Variants in KCNT1 observed in about 807,000 individuals in gnomAD.
The protein encoded by KCNT1 is potassium channel subfamily T member 1.
A neutral mutation model predicts 147.8 loss-of-function variants in KCNT1; 78 were observed. The ratio of observed to expected loss-of-function variants is 0.53; its 90% CI spans 0.44 to 0.64. The LOEUF is 0.64. Ranked by LOEUF, KCNT1 falls within the 30% of genes least tolerant of loss-of-function variation. KCNT1 has a pLI of 0.00. For synonymous variants in KCNT1, 867 were observed against 748.8 expected, an observed-to-expected ratio of 1.16 and a Z score of -2.58; for missense variants, 1,419 against 1,750.3, an observed-to-expected ratio of 0.81 and a Z score of 3.38.
intron 2 of KCNT1, among the ~76,000 whole-genome samples, chr9:135,739,744 A>C (rs997067626): frequency 2.0e-5 from 3 of 152,092 alleles, no homozygotes; most frequent in African/African-American, 4.8e-5. Flanking sequence ...TCCGGGCTGC[A>C]CACCTTCTTT....
In KCNT1 at chr9:135,792,251, A is replaced by G; in HGVS notation, c.*90A>G. The G allele has an allele frequency of 1.4e-6, 2 of 1,444,014 alleles. No individual in the cohort carries two copies. Among genetic ancestry groups the G allele is most frequent in the Non-Finnish European group, 1.9e-6 (2 of 1,077,896 alleles). 89.5% of individuals were successfully genotyped at this position (1,444,014 alleles called of 1,614,324 possible). ...GTGAGGACACGGTGGCACTAGCGTG[A>G]CCCTGGGGATGGCACACTCTACTCA... On this transcript the variant is annotated 3_prime_UTR_variant, in exon 31 of 31. Coordinates refer to ENST00000371757, the MANE Select transcript of KCNT1 (RefSeq NM_020822.3).
intron 29 of KCNT1, among the ~76,000 whole-genome samples, chr9:135,787,387 C>T (rs923219476): frequency 2.6e-5 from 4 of 152,324 alleles, no homozygotes; most frequent in Admixed American, 6.5e-5. Flanking sequence ...AGCACCGGGC[C>T]GCTACCCAGT....
At chr9:135,773,178 G>C (rs995418012) in intron 19 of KCNT1, among the ~76,000 whole-genome samples, 1 of 152,196 alleles carries the variant, frequency 6.6e-6, no homozygotes, top group East Asian at 1.9e-4. Context: ...ACTGAGATGG[G>C]GTGTGCTGGG....
chr9:135,778,290 C>A, intron 21 of KCNT1, 134 bp from the exon 22 acceptor site: 2 of 726,796 alleles, frequency 2.8e-6, no homozygotes, highest in Non-Finnish European at 4.6e-6. Context: ...AAGTACTCCC[C>A]AGGTCCCATA....
intron 1 of KCNT1, among the ~76,000 whole-genome samples, chr9:135,709,797 C>T (rs1835416067): frequency 6.6e-6 from 1 of 152,206 alleles, no homozygotes; most frequent in South Asian, 2.1e-4. Context: ...TCTCCTGCCT[C>T]AGCCTCCCGA....
chr9:135,705,650 G>T (rs1835222119), intron 1 of KCNT1, among the ~76,000 whole-genome samples: 1 of 152,212 alleles, frequency 6.6e-6, no homozygotes, highest in Non-Finnish European at 1.5e-5. Flanking sequence ...TCTCCCAGCT[G>T]TGTGTGTGGA....
At chr9:135,759,045 G>A (rs1336014454) in intron 10 of KCNT1, among the ~76,000 whole-genome samples, 2 of 152,228 alleles carry the variant, frequency 1.3e-5, no homozygotes, top group Non-Finnish European at 2.9e-5. Context: ...CCCTGGGGGA[G>A]GGAGAGTGCC....
rs545758705 is a variant in KCNT1 at position 135,711,542 on chromosome 9, G to A, written c.111-3035G>A. Reference sequence around the variant, plus strand: ...CACCTGGCTTGCCAGGGTGCCTGGCGTGCAGCTGGCTCTCAGTCCATGGCA... The same window carrying A: ...CACCTGGCTTGCCAGGGTGCCTGGCATGCAGCTGGCTCTCAGTCCATGGCA... On this transcript the variant is annotated intron_variant, in intron 1 of 30. Transcript: ENST00000371757. Among the ~76,000 whole-genome samples, 253 of 152,356 alleles carry A rather than the reference G, an allele frequency of 1.7e-3. 1 individual carries two copies. Among genetic ancestry groups the A allele is most frequent in the African/African-American group, 5.9e-3 (244 of 41,594 alleles).
chr9:135,719,071 G>A (rs377505277), intron 2 of KCNT1, among the ~76,000 whole-genome samples: 7 of 152,200 alleles, frequency 4.6e-5, no homozygotes, highest in East Asian at 3.9e-4. Flanking sequence ...GTCCACCTGC[G>A]CCCAGGCTCT....
Position 135,756,334 on chromosome 9 carries a change from T to C in KCNT1, c.541-539T>C, listed in dbSNP as rs530263759. On this transcript the variant is annotated intron_variant, in intron 6 of 30. Transcript: ENST00000371757. Reference sequence around the variant, plus strand: ...TCCCTCCACTGACCCATCTGTGTCCTTGCTGTTTTCCTGGGGTGGAGAGTG... The same window carrying C: ...TCCCTCCACTGACCCATCTGTGTCCCTGCTGTTTTCCTGGGGTGGAGAGTG... Among the ~76,000 whole-genome samples the C allele has an allele frequency of 1.1e-4, 17 of 152,250 alleles. 1 individual carries two copies. The South Asian group carries it at 2.9e-3, about 26-fold the overall frequency.
At chr9:135,776,362 G>T (rs1020986688) in intron 20 of KCNT1, among the ~76,000 whole-genome samples, 1 of 152,132 alleles carries the variant, frequency 6.6e-6, no homozygotes, top group South Asian at 2.1e-4. Flanking sequence ...GGCTCAAGGG[G>T]TCCTCCCACC....
intron 16 of KCNT1, 73 bp downstream of exon 16, chr9:135,770,128 T>TG: frequency 7.0e-7 from 1 of 1,434,824 alleles, no homozygotes; most frequent in Non-Finnish European, 9.5e-7. Flanking sequence ...AGGGCCTGCT[T>TG]GGGGGCGGGG....
chr9:135,771,681 C>G (rs139471608), intron 18 of KCNT1, among the ~76,000 whole-genome samples: 1 of 152,230 alleles, frequency 6.6e-6, no homozygotes, highest in Non-Finnish European at 1.5e-5. Flanking sequence ...GGGATCCTCC[C>G]GGGGAGCCGC....
At position 135,757,138 on chromosome 9, in the gene KCNT1, C is replaced by T. The variant is rs762196150; in HGVS notation, c.601-18C>T. ...CCACCCTCCATCGCCCCCGCTGATA[C>T]CCCCCGTTTGGCCCCAGGGCAACAT... On this transcript the variant is annotated intron_variant, in intron 7 of 30. Coordinates refer to ENST00000371757, the MANE Select transcript of KCNT1 (RefSeq NM_020822.3). 8.1e-7 allele frequency: 1 copy of T among 1,234,502 alleles called. No individual in the cohort carries two copies. The highest frequency in any genetic ancestry group is 1.1e-6 in the Non-Finnish European group (1 of 909,384). The allele number at this position is 1,234,502 out of a possible 1,614,324, so 76.5% of individuals were successfully genotyped here.
At chr9:135,784,716 G>A in intron 26 of KCNT1, 45 bp from the exon 27 acceptor site, 1 of 1,609,146 alleles carries the variant, frequency 6.2e-7, no homozygotes, top group East Asian at 2.2e-5. Context: ...GGAGGCTCTG[G>A]GTGCTGCCAC....
At position 135,784,818 on chromosome 9, in the gene KCNT1, C is replaced by T. The variant is rs781215895; in HGVS notation, c.3085C>T (p.Leu1029Phe). Reference protein sequence around the residue: ...IRTYGRLFQKLCSSSAEIPIG... With the variant: ...IRTYGRLFQKFCSSSAEIPIG... The stretch of plus-strand genomic sequence containing the variant: ...CACGTACGGCCGCCTCTTCCAGAAG[C>T]TCTGCTCCTCCAGCGCCGAGATCCC... Residue 1029 changes from leucine to phenylalanine, a missense_variant, in exon 27 of 31, where the codon CTC becomes TTC. Physicochemically the swap from Leu to Phe is conservative, Grantham distance 22. Around this residue, in one of 5 missense-constraint regions of KCNT1, gnomAD observed 247 missense variants for 397.1 expected, o/e 0.62. Coordinates refer to ENST00000371757, the MANE Select transcript of KCNT1 (RefSeq NM_020822.3). The T allele has an allele frequency of 1.2e-6, 2 of 1,612,856 alleles. No homozygotes were observed. The highest frequency in any genetic ancestry group is 1.3e-5 in the African/African-American group (1 of 75,052).
intron 20 of KCNT1, among the ~76,000 whole-genome samples, chr9:135,776,475 C>T (rs1212703703): frequency 6.6e-6 from 1 of 152,124 alleles, no homozygotes; most frequent in Admixed American, 6.5e-5. Context: ...CTATGTTGCC[C>T]AGGCTAGTCT....
chr9:135,731,977 TATATATATATATATAGAGAGAGAG>T (rs1564327899), intron 2 of KCNT1, among the ~76,000 whole-genome samples: 2 of 30,140 alleles, frequency 6.6e-5, no homozygotes, highest in Non-Finnish European at 1.3e-4. Context: ...TATATATATA[TATATATATATATATAGAGAGAGAG>T]AGAGAGAGAG....
In KCNT1 at chr9:135,730,990, T is replaced by TAA. The variant is rs56307359; in HGVS notation, c.254+16292_254+16293dup. On this transcript the variant is annotated intron_variant, in intron 2 of 30. Transcript: ENST00000371757. The surrounding 1 kb of genome is among the most constrained non-coding windows in gnomAD (Gnocchi z 4.7). ...AACAAAGTGAGATCCCGTCTCAAGG[T>TAA]AAAAAAAAAAAAAAAAAAAAAAAGT... Among the ~76,000 whole-genome samples the TAA allele has an allele frequency of 0.045, 3,828 of 85,518 alleles. 308 individuals are homozygous for TAA. The highest frequency in any genetic ancestry group is 0.16 in the African/African-American group (3,497 of 22,022). The allele number at this position is 85,518 out of a possible 152,430, so 56.1% of individuals were successfully genotyped here.
Sources: allele counts gnomAD v4.1 joint callset (sites outside exome capture counted in the v4.1 genomes callset), GRCh38; gene constraint gnomAD v4.1.1; regional missense constraint gnomAD v4.1.1; non-coding constraint Gnocchi (gnomAD v3.1); transcripts MANE v1.5; gene names NCBI Gene and HGNC (gene_info 2026-07-23, HGNC 2026-07-21).